The following PREX1 variants were observed in gnomAD, a reference collection of about 807,000 sequenced individuals.
PREX1 encodes phosphatidylinositol 3,4,5-trisphosphate-dependent Rac exchanger 1 protein.
In PREX1, 41 loss-of-function variants were observed where a neutral mutation model predicts 198.3. The observed-to-expected ratio is 0.21, with a 90% CI of 0.16 to 0.27. The LOEUF is 0.27. Ranked by LOEUF, PREX1 falls within the 10% of genes least tolerant of loss-of-function variation. PREX1 has a pLI of 1.00. For synonymous variants in PREX1, 843 were observed against 887.2 expected (o/e 0.95, Z 0.89); for missense variants, 1,620 against 2,200.7 (o/e 0.74, Z 5.28).
rs112389459 is a variant in PREX1 at position 48,781,317 on chromosome 20, G to A, written c.220-33437C>T. Reference sequence around the variant, plus strand: ...TACTACAGTAATATAAAATGTCAACGTAATGGGAAGCTGGGTGAAGGATGT... The same window carrying A: ...TACTACAGTAATATAAAATGTCAACATAATGGGAAGCTGGGTGAAGGATGT... On this transcript the variant is annotated intron_variant, in intron 1 of 39. Transcript: ENST00000371941. Among the ~76,000 whole-genome samples, 28 of 152,260 alleles carry A rather than the reference G, an allele frequency of 1.8e-4. 1 individual carries two copies. The highest frequency in any genetic ancestry group is 6.3e-4 in the African/African-American group (26 of 41,538).
rs749777042 is a variant in PREX1 at position 48,639,872 on chromosome 20, A to G, written c.3798T>C (p.Cys1266=). Residue 1266 remains cysteine, a synonymous_variant, in exon 30 of 40, where the codon TGT becomes TGC. Transcript: ENST00000371941. The part of the protein sequence containing the change: ...SLQEFKQKEE[C]TIRGRSLIQI... ...GGATCAGGCTCCGGCCACGGATTGT[A>G]CACTCTTCTTTCTGTTTAAACTCTG... 6.2e-7 allele frequency: 1 copy of G among 1,613,924 alleles called. No individual in the cohort carries two copies. The highest frequency in any genetic ancestry group is 1.3e-5 in the African/African-American group (1 of 74,906).
chr20:48,882,525 A>AAAAAAAG, the PREX1 span, among the ~76,000 whole-genome samples: 683 of 97,664 alleles, frequency 7.0e-3, 23 homozygotes, highest in Middle Eastern at 0.013. Context: ...AAAAAAAAAA[A>AAAAAAAG]AGAGAGAATC....
At chr20:48,725,363 T>G (rs976208677) in intron 5 of PREX1, among the ~76,000 whole-genome samples, 1 of 152,188 alleles carries the variant, frequency 6.6e-6, no homozygotes, top group Non-Finnish European at 1.5e-5. Flanking sequence ...CTGAGAGCAG[T>G]GGAAGGCGGA....
At chr20:48,738,561 A>C (rs2090067178) in intron 3 of PREX1, among the ~76,000 whole-genome samples, 1 of 152,228 alleles carries the variant, frequency 6.6e-6, no homozygotes, top group African/African-American at 2.4e-5. Context: ...CTCAGAGTCC[A>C]AGTGTTCCAT....
At chr20:48,749,843 T>C (rs1003016867) in intron 1 of PREX1, among the ~76,000 whole-genome samples, 1 of 152,282 alleles carries the variant, frequency 6.6e-6, no homozygotes, top group East Asian at 1.9e-4. Flanking sequence ...TCAAGGTCAT[T>C]GCCAAGGTCT....
Position 48,726,356 on chromosome 20 carries a change from G to A in PREX1, c.555C>T (p.Asp185=), listed in dbSNP as rs768159625. The change falls in exon 5 of 40, where the codon GAC becomes GAT. Residue 185 remains aspartate, a synonymous_variant. Transcript: ENST00000371941. ...CMLLGGRKTT[D]IPLEGYLLSP... is the part of the protein sequence containing the mutation. ...ACAACAGGTAGCCTTCCAAAGGGAT[G>A]TCCGTGGTCTTCCGGCCTCCCAGAA... 1.2e-6 allele frequency: 2 copies of A among 1,613,870 alleles called. No individual in the cohort carries two copies. Among genetic ancestry groups the A allele is most frequent in the South Asian group, 1.1e-5 (1 of 90,928 alleles).
chr20:48,861,666 A>G, the PREX1 span, among the ~76,000 whole-genome samples: 1 of 152,186 alleles, frequency 6.6e-6, no homozygotes, highest in Non-Finnish European at 1.5e-5. Context: ...CTAAAACACA[A>G]TTTAGGGGTT....
chr20:48,832,112 G>GAA (rs919734562), upstream of PREX1, among the ~76,000 whole-genome samples: 6 of 126,410 alleles, frequency 4.7e-5, no homozygotes, highest in Non-Finnish European at 1.0e-4. Context: ...GGAGGAAGAA[G>GAA]AAAAAAAAAA....
intron 12 of PREX1, 83 bp downstream of exon 12, chr20:48,679,568 G>C: frequency 7.0e-7 from 1 of 1,435,306 alleles, no homozygotes. Context: ...AAGCCAAGGG[G>C]CACAGGCCTG....
Position 48,625,750 on chromosome 20 carries a change from G to A in PREX1, c.*135C>T, listed in dbSNP as rs1478405377. On this transcript the variant is annotated 3_prime_UTR_variant, in exon 40 of 40. Coordinates refer to ENST00000371941, the MANE Select transcript of PREX1 (RefSeq NM_020820.4). ...CAGGCTTGTCCCGGAAGGAGGCAGG[G>A]AGGACGCTGGGCAGGTCCCGGAACG... 2 of 1,082,812 alleles carry A rather than the reference G, an allele frequency of 1.8e-6. No individual in the cohort carries two copies. The highest frequency in any genetic ancestry group is 6.1e-5 in the East Asian group (2 of 33,050). The allele number at this position is 1,082,812 out of a possible 1,614,324, so 67.1% of individuals were successfully genotyped here.
In PREX1 at chr20:48,827,981, C is replaced by G. The variant is rs1227726517; in HGVS notation, c.-121G>C. 3 of 255,436 alleles carry G rather than the reference C, an allele frequency of 1.2e-5. No individual in the cohort carries two copies. Among genetic ancestry groups the G allele is most frequent in the Non-Finnish European group, 1.8e-5 (3 of 166,232 alleles). 15.8% of individuals were successfully genotyped at this position (255,436 alleles called of 1,614,324 possible). ...CGGGCTCAGCGGCGGGCCGGGCTCC[C>G]GGCGCGGCGGGCGGGACTGGGGGCC... On this transcript the variant is annotated 5_prime_UTR_variant, in exon 1 of 40. Coordinates refer to ENST00000371941, the MANE Select transcript of PREX1 (RefSeq NM_020820.4). This position sits in a 1 kb window ranked among gnomAD's most constrained non-coding sequence, Gnocchi z 4.1.
chr20:48,706,876 C>T (rs535646033), intron 6 of PREX1, among the ~76,000 whole-genome samples: 1 of 152,286 alleles, frequency 6.6e-6, no homozygotes, highest in South Asian at 2.1e-4. Context: ...CCCAGGAAAC[C>T]AGCCACAATG....
rs1429124019 is a variant in PREX1, at chr20:48,713,101, A to G, written c.622-4680T>C. Among the ~76,000 whole-genome samples the G allele has an allele frequency of 2.0e-5, 3 of 151,354 alleles. No homozygotes were observed. The East Asian group carries it at 5.9e-4, about 30-fold the overall frequency. On this transcript the variant is annotated intron_variant, in intron 5 of 39. Transcript: ENST00000371941. ...GGTTGCGGTGAGCCAAGATTGCGCC[A>G]CTGCACTCCAGCCTGGGTGACAGAG...
chr20:48,662,481 G>A (rs2089604689), intron 15 of PREX1, among the ~76,000 whole-genome samples: 1 of 152,184 alleles, frequency 6.6e-6, no homozygotes, highest in African/African-American at 2.4e-5. Context: ...GCCTCTCTGA[G>A]CCTCAGTTTC....
intron 6 of PREX1, among the ~76,000 whole-genome samples, chr20:48,706,476 TG>T (rs1391572055): frequency 6.6e-6 from 1 of 152,218 alleles, no homozygotes. Context: ...AAAGTGGCCA[TG>T]TGACCCATTT....
intron 5 of PREX1, 102 bp from the exon 6 acceptor site, chr20:48,708,523 C>A: frequency 7.9e-7 from 1 of 1,269,018 alleles, no homozygotes. Context: ...AAACTCCTCG[C>A]CTGGTGGACA....
chr20:48,845,116 C>T, the PREX1 span, among the ~76,000 whole-genome samples: 12,727 of 152,180 alleles, frequency 0.084, 709 homozygotes, highest in Admixed American at 0.11. Flanking sequence ...ATTCATGTAA[C>T]GAACTCTCAT....
chr20:48,870,197 T>C, the PREX1 span, among the ~76,000 whole-genome samples: 1 of 152,192 alleles, frequency 6.6e-6, no homozygotes, highest in Non-Finnish European at 1.5e-5. Flanking sequence ...CCTGCAGCCA[T>C]GTATGAGGGA....
intron 6 of PREX1, among the ~76,000 whole-genome samples, chr20:48,704,298 A>G (rs1192473216): frequency 2.6e-5 from 4 of 152,184 alleles, no homozygotes; most frequent in Non-Finnish European, 4.4e-5. Context: ...TGCAATCGAT[A>G]GTCTAGAGCA....
Sources: gnomAD v4.1 joint callset for allele counts (sites outside exome capture counted in the v4.1 genomes callset) on GRCh38, gnomAD v4.1.1 for gene constraint, Gnocchi (gnomAD v3.1) non-coding constraint, MANE v1.5 for transcripts, NCBI Gene and HGNC (gene_info 2026-07-23, HGNC 2026-07-21) for gene names.